The following UBE2Z variants were observed in gnomAD, a reference collection of about 807,000 sequenced individuals.
The protein encoded by UBE2Z is ubiquitin-conjugating enzyme E2 Z.
UBE2Z carries 10 observed loss-of-function variants against 32.6 expected under a neutral mutation model. The observed-to-expected ratio is 0.31, with a 90% CI of 0.19 to 0.52. The LOEUF (loss-of-function observed/expected upper bound fraction) is 0.52, where lower values mean the gene tolerates loss of function less well. Among genes scored for constraint, UBE2Z ranks in the 20% least tolerant of loss-of-function variants. The pLI is 0.97. For missense variants in UBE2Z, 343 were observed against 480.9 expected (o/e 0.71, Z 2.68); for synonymous variants, 183 against 190.8 (o/e 0.96, Z 0.34).
chr17:48,912,609 A>G (rs904603069), intron 2 of UBE2Z: 42 of 512,922 alleles, frequency 8.2e-5, no homozygotes, highest in Non-Finnish European at 3.8e-5. Flanking sequence ...TTTAGAAGTA[A>G]CCCCTGAGTA....
chr17:48,923,902 T>C (rs1339325821), intron 6 of UBE2Z, among the ~76,000 whole-genome samples: 1 of 152,204 alleles, frequency 6.6e-6, no homozygotes, highest in Non-Finnish European at 1.5e-5. Flanking sequence ...AGTTTTTGTT[T>C]TGTTTTGTTT....
intron 6 of UBE2Z, 141 bp from the exon 7 acceptor site, chr17:48,926,823 T>G: frequency 2.3e-6 from 2 of 884,786 alleles, no homozygotes; most frequent in Non-Finnish European, 1.7e-6. Context: ...GCCTGCTGTT[T>G]GGGACTGCCT....
intron 5 of UBE2Z, 115 bp from the exon 6 acceptor site, chr17:48,922,732 A>G: frequency 3.0e-6 from 2 of 668,136 alleles, no homozygotes; most frequent in Non-Finnish European, 5.0e-6. Flanking sequence ...GCACCACTGC[A>G]CTCCAACATG....
intron 4 of UBE2Z, among the ~76,000 whole-genome samples, chr17:48,917,073 G>A (rs1452091547): frequency 3.3e-5 from 5 of 151,958 alleles, no homozygotes; most frequent in African/African-American, 9.7e-5. Flanking sequence ...TTGGGAGGCC[G>A]AGGCGGGCAG....
At position 48,928,116 on chromosome 17, in the gene UBE2Z, G is replaced by A. The variant is rs1344964011; in HGVS notation, c.*982G>A. 1 of 152,258 alleles carries A rather than the reference G, an allele frequency of 6.6e-6. No homozygotes were observed. The highest frequency in any genetic ancestry group is 1.5e-5 in the Non-Finnish European group (1 of 68,118). The allele number at this position is 152,258 out of a possible 1,614,324, so 9.4% of individuals were successfully genotyped here. A position where few individuals can be genotyped will look rare whatever the true frequency, so the allele number is the denominator to read the frequency against. On this transcript the variant is annotated 3_prime_UTR_variant, in exon 7 of 7. Coordinates refer to ENST00000360943, the MANE Select transcript of UBE2Z (RefSeq NM_023079.5). The stretch of plus-strand genomic sequence containing the variant: ...TCCTTGTGTATTTTCACCCCAGCCT[G>A]TAGTCCTCCTCACTTCAACCCCAGG...
chr17:48,924,955 T>C (rs1342628460), intron 6 of UBE2Z, among the ~76,000 whole-genome samples: 9 of 151,830 alleles, frequency 5.9e-5, no homozygotes, highest in Admixed American at 4.6e-4. Flanking sequence ...CTTGGGTGTT[T>C]GGATCATCTT....
At chr17:48,924,867 A>G (rs1369575246) in intron 6 of UBE2Z, among the ~76,000 whole-genome samples, 1 of 142,834 alleles carries the variant, frequency 7.0e-6, no homozygotes, top group African/African-American at 2.6e-5. Context: ...AAAAAAAAAG[A>G]CAAAAATTAT....
At chr17:48,921,459 A>G (rs1177020072) in intron 5 of UBE2Z, among the ~76,000 whole-genome samples, 187 bp downstream of exon 5, 1 of 152,058 alleles carries the variant, frequency 6.6e-6, no homozygotes, top group African/African-American at 2.4e-5. Context: ...CTGTTGTTGG[A>G]GAATGCCATG....
At position 48,916,067 on chromosome 17, in the gene UBE2Z, T is replaced by G; in HGVS notation, c.579-9T>G. The stretch of plus-strand genomic sequence containing the variant: ...GCCTCACCCTCCATTCCTTCTGATG[T>G]GTTTACAGTACATGGACTGGACCTG... On this transcript the variant is annotated splice_polypyrimidine_tract_variant and intron_variant, in intron 3 of 6. Transcript: ENST00000360943. The G allele has an allele frequency of 6.3e-7, 1 of 1,576,374 alleles. No homozygotes were observed. Among genetic ancestry groups the G allele is most frequent in the Non-Finnish European group, 8.6e-7 (1 of 1,162,858 alleles).
chr17:48,923,951 A>G (rs985189954), intron 6 of UBE2Z, among the ~76,000 whole-genome samples: 1 of 152,100 alleles, frequency 6.6e-6, no homozygotes, highest in Non-Finnish European at 1.5e-5. Context: ...AGGCTAGAGC[A>G]ATCTCAGCTC....
intron 6 of UBE2Z, among the ~76,000 whole-genome samples, chr17:48,926,707 C>A (rs571948829): frequency 1.6e-4 from 24 of 152,240 alleles, no homozygotes; most frequent in Admixed American, 1.2e-3. Context: ...TCTCAAACTC[C>A]CAACCTCAGG....
intron 4 of UBE2Z, among the ~76,000 whole-genome samples, chr17:48,919,787 A>T (rs1414846029): frequency 2.0e-5 from 3 of 152,112 alleles, no homozygotes; most frequent in Non-Finnish European, 4.4e-5. Context: ...CCTACTTCTG[A>T]TTTATAATAA....
chr17:48,919,987 C>T, intron 4 of UBE2Z, among the ~76,000 whole-genome samples: 1 of 151,964 alleles, frequency 6.6e-6, no homozygotes, highest in East Asian at 1.9e-4. Context: ...TGTTTCCCAG[C>T]CTGGGCAACG....
At chr17:48,911,981 C>CA (rs71369237) in intron 2 of UBE2Z, 3 of 151,258 alleles carry the variant, frequency 2.0e-5, no homozygotes, top group Non-Finnish European at 4.4e-5. Context: ...TTCCTCCCTT[C>CA]AGGGGGGGAA....
intron 4 of UBE2Z, among the ~76,000 whole-genome samples, chr17:48,919,245 A>G (rs540459696): frequency 1.3e-5 from 2 of 152,098 alleles, no homozygotes; most frequent in African/African-American, 2.4e-5. Flanking sequence ...CGGCCTCCCA[A>G]AGTGCTGGGA....
rs1202444646 is a variant in UBE2Z at position 48,908,429 on chromosome 17, T to TGCGGGAGCGG, written c.-66_-57dup. On this transcript the variant is annotated 5_prime_UTR_variant, in exon 1 of 7. Transcript: ENST00000360943. ...GACACTCTGGCCCGGTTCTCGGTGGTGCGGGAGCGGGCGGGAGCAGCGGCC... is the reference window on the plus strand; with the variant it reads ...GACACTCTGGCCCGGTTCTCGGTGGTGCGGGAGCGGGCGGGAGCGGGCGGGAGCAGCGGCC... 7 of 1,184,216 alleles carry TGCGGGAGCGG rather than the reference T, an allele frequency of 5.9e-6. No individual in the cohort carries two copies. The highest frequency in any genetic ancestry group is 4.8e-5 in the African/African-American group (3 of 62,720). 73.4% of individuals were successfully genotyped at this position (1,184,216 alleles called of 1,614,324 possible).
rs1327896925 is a variant in UBE2Z, at chr17:48,921,251, G to A, written c.782G>A (p.Cys261Tyr). Reference protein sequence around the residue: ...VAVCDMMEGKCPCPEPLRGVM... With the variant: ...VAVCDMMEGKYPCPEPLRGVM... ...GTCTGTGACATGATGGAAGGAAAGT[G>A]TCCCTGTCCTGAACCCCTACGGTAT... Residue 261 changes from cysteine (C) to tyrosine (Y), a missense_variant, in exon 5 of 7, where the codon TGT (cysteine) becomes TAT (tyrosine). Cys to Tyr is a radical substitution (Grantham distance 194). This residue lies in a region of UBE2Z where 182 missense variants were observed against 312.4 expected (regional missense o/e 0.58). Coordinates refer to ENST00000360943, the MANE Select transcript of UBE2Z (RefSeq NM_023079.5). The A allele has an allele frequency of 2.5e-6, 4 of 1,612,220 alleles. No homozygotes were observed. The highest frequency in any genetic ancestry group is 1.1e-5 in the South Asian group (1 of 90,546).
At chr17:48,925,278 C>A (rs1239269237) in intron 6 of UBE2Z, among the ~76,000 whole-genome samples, 1 of 112,210 alleles carries the variant, frequency 8.9e-6, no homozygotes, top group Admixed American at 8.7e-5. Flanking sequence ...CCAGACTCCA[C>A]CTCAAAAAAA....
chr17:48,923,516 C>T (rs1022471989), intron 6 of UBE2Z, among the ~76,000 whole-genome samples: 2 of 151,634 alleles, frequency 1.3e-5, no homozygotes, highest in South Asian at 2.1e-4. Context: ...CCTATAATCC[C>T]GGCTACTTGG....
Sources: allele counts gnomAD v4.1 joint callset (sites outside exome capture counted in the v4.1 genomes callset), GRCh38; gene constraint gnomAD v4.1.1; regional missense constraint gnomAD v4.1.1; transcripts MANE v1.5; gene names NCBI Gene and HGNC (gene_info 2026-07-23, HGNC 2026-07-21).